Variants in PAPPA observed in about 807,000 individuals in gnomAD.
PAPPA encodes pappalysin 1.
PAPPA carries 60 observed loss-of-function variants against 164.0 expected under a neutral mutation model. The observed-to-expected ratio is 0.37, with a 90% CI of 0.30 to 0.45. The LOEUF is 0.45. PAPPA is among the 20% of genes least tolerant of loss of function. The pLI is 1.00. For synonymous variants in PAPPA, 875 were observed against 814.1 expected, an observed-to-expected ratio of 1.07 and a Z score of -1.27; for missense variants, 1,782 against 2,087.3, an observed-to-expected ratio of 0.85 and a Z score of 2.85.
intron 7 of PAPPA, among the ~76,000 whole-genome samples, chr9:116,250,847 A>G (rs529087898): frequency 9.8e-5 from 15 of 152,306 alleles, no homozygotes; most frequent in Non-Finnish European, 1.2e-4. Context: ...TTCTTCCCCT[A>G]TGTAACAGAG....
chr9:116,263,430 G>A (rs996749873), intron 7 of PAPPA, among the ~76,000 whole-genome samples: 1 of 152,156 alleles, frequency 6.6e-6, no homozygotes, highest in African/African-American at 2.4e-5. Context: ...GATGATGGCT[G>A]CATCTTCACG....
At chr9:116,164,750 C>T (rs978256657) in intron 1 of PAPPA, among the ~76,000 whole-genome samples, 2 of 152,092 alleles carry the variant, frequency 1.3e-5, no homozygotes. Flanking sequence ...GTTATTTTCC[C>T]CAGTGTGACT....
chr9:116,193,870 G>C (rs1844072690), intron 2 of PAPPA, among the ~76,000 whole-genome samples: 1 of 152,192 alleles, frequency 6.6e-6, no homozygotes, highest in South Asian at 2.1e-4. Flanking sequence ...AGGCTTCCAT[G>C]AGCTCTGAGA....
intron 1 of PAPPA, among the ~76,000 whole-genome samples, chr9:116,178,056 G>A (rs1843858173): frequency 6.6e-6 from 1 of 152,136 alleles, no homozygotes; most frequent in African/African-American, 2.4e-5. Context: ...AAAAAGGGGG[G>A]AAATAATCCC....
intron 18 of PAPPA, among the ~76,000 whole-genome samples, chr9:116,366,116 G>A (rs1846497657): frequency 6.6e-6 from 1 of 152,166 alleles, no homozygotes; most frequent in South Asian, 2.1e-4. Context: ...TTGGAGGGTG[G>A]TTTCGATACT....
rs1564235664 is a variant in PAPPA at position 116,347,302 on chromosome 9, A to G, written c.3964+93A>G. 2 of 1,113,752 alleles carry G rather than the reference A, an allele frequency of 1.8e-6. No homozygotes were observed. The highest frequency in any genetic ancestry group is 3.1e-5 in the African/African-American group (2 of 63,808). 69.0% of individuals were successfully genotyped at this position (1,113,752 alleles called of 1,614,324 possible). A position where few individuals can be genotyped will look rare whatever the true frequency, so the allele number is the denominator to read the frequency against. On this transcript the variant is annotated intron_variant, in intron 15 of 21. Transcript: ENST00000328252. This position sits in a 1 kb window ranked among gnomAD's most constrained non-coding sequence, Gnocchi z 4.5. ...CCCTCTTTCTGGGTCTCAAACACCA[A>G]GGGTGGGATGGGTTTTATCTATGCT...
intron 7 of PAPPA, among the ~76,000 whole-genome samples, chr9:116,245,317 AG>A (rs1269797372): frequency 6.6e-6 from 1 of 152,210 alleles, no homozygotes; most frequent in Non-Finnish European, 1.5e-5. Context: ...AAATAAAAAA[AG>A]AAGGGGCCAG....
chr9:116,379,619 G>C (rs1846701256), intron 20 of PAPPA, among the ~76,000 whole-genome samples: 1 of 152,024 alleles, frequency 6.6e-6, no homozygotes, highest in Admixed American at 6.6e-5. Context: ...ATCTATATTT[G>C]ATAAAGTTTT....
At chr9:116,294,812 G>T (rs1845481429) in intron 9 of PAPPA, among the ~76,000 whole-genome samples, 1 of 152,140 alleles carries the variant, frequency 6.6e-6, no homozygotes. Flanking sequence ...GGCCTTTAAA[G>T]ATCTTTTTGA....
At chr9:116,318,035 C>A (rs901312927) in intron 10 of PAPPA, among the ~76,000 whole-genome samples, 1 of 152,184 alleles carries the variant, frequency 6.6e-6, no homozygotes, top group Non-Finnish European at 1.5e-5. Context: ...ATCCTTCACG[C>A]CTCCGCTGTT....
At chr9:116,325,879 G>A (rs916811876) in intron 10 of PAPPA, among the ~76,000 whole-genome samples, 3 of 152,112 alleles carry the variant, frequency 2.0e-5, no homozygotes, top group Non-Finnish European at 4.4e-5. Flanking sequence ...TTTCATAAAC[G>A]TGTTGCTCCT....
chr9:116,320,366 G>C (rs1233936380), intron 10 of PAPPA, among the ~76,000 whole-genome samples: 1 of 152,174 alleles, frequency 6.6e-6, no homozygotes, highest in Admixed American at 6.5e-5. Context: ...GAGCCCCAAG[G>C]CTGGAGGGCA....
rs181950334 is a variant in PAPPA, at chr9:116,277,642, T to A, written c.2953+6226T>A. On this transcript the variant is annotated intron_variant, in intron 9 of 21. Coordinates refer to ENST00000328252, the MANE Select transcript of PAPPA (RefSeq NM_002581.5). The stretch of plus-strand genomic sequence containing the variant: ...GTGTTATAGATGTGTTTGCTACTGA[T>A]GCTATTATTGTCATAATTAATATTT... 2.6e-5 allele frequency among the ~76,000 whole-genome samples: 4 copies of A among 152,350 alleles called. No homozygotes were observed. The East Asian group carries it at 7.7e-4, about 29-fold the overall frequency.
intron 6 of PAPPA, among the ~76,000 whole-genome samples, chr9:116,228,352 T>G (rs1844542049): frequency 6.6e-6 from 1 of 152,128 alleles, no homozygotes; most frequent in Non-Finnish European, 1.5e-5. Context: ...CAGTCCCTCT[T>G]GCTCTTCTGC....
At position 116,314,060 on chromosome 9, in the gene PAPPA, C is replaced by CTTTTTTTTTTTTTTTTTTTTTTT. The variant is rs57871796; in HGVS notation, c.3147+11118_3147+11140dup. Among the ~76,000 whole-genome samples, 8 of 69,728 alleles carry CTTTTTTTTTTTTTTTTTTTTTTT rather than the reference C, an allele frequency of 1.1e-4. 1 individual carries two copies. The highest frequency in any genetic ancestry group is 4.6e-4 in the East Asian group (1 of 2,164). The allele number at this position is 69,728 out of a possible 152,430, so 45.7% of individuals were successfully genotyped here. On this transcript the variant is annotated intron_variant, in intron 10 of 21. Transcript: ENST00000328252. Reference sequence around the variant, plus strand: ...ATTCAGTTCTGTCATTGCATCGAATCTTTTTTTTTTTTTTTTTTTTTTTTT... The same window carrying CTTTTTTTTTTTTTTTTTTTTTTT: ...ATTCAGTTCTGTCATTGCATCGAATCTTTTTTTTTTTTTTTTTTTTTTTTTTTTTTTTTTTTTTTTTTTTTTTT...
chr9:116,344,777 T>C, intron 14 of PAPPA, 66 bp downstream of exon 14: 5 of 1,421,108 alleles, frequency 3.5e-6, no homozygotes, highest in Non-Finnish European at 2.9e-6. Context: ...GTGTTAACCA[T>C]GTTCTCTGCT....
chr9:116,357,777 A>G (rs1588018936), intron 17 of PAPPA, among the ~76,000 whole-genome samples: 1 of 152,028 alleles, frequency 6.6e-6, no homozygotes, highest in Non-Finnish European at 1.5e-5. Context: ...TGGGATGGGG[A>G]CGGGGTCTTT....
chr9:116,248,693 G>A (rs1844825572), intron 7 of PAPPA, among the ~76,000 whole-genome samples: 1 of 152,130 alleles, frequency 6.6e-6, no homozygotes, highest in African/African-American at 2.4e-5. Context: ...ATTAGAGGTG[G>A]GGGCTGTGTA....
rs546408083 is a variant in PAPPA, at chr9:116,359,909, T to A, written c.4348-2683T>A. Among the ~76,000 whole-genome samples, 3 of 152,210 alleles carry A rather than the reference T, an allele frequency of 2.0e-5. No homozygotes were observed. The South Asian group carries it at 6.2e-4, about 32-fold the overall frequency. ...AGGCTAAAGTGTCTTAGCAAAAGGA[T>A]GCTATATATTTTTAAAAGCAAATTT... On this transcript the variant is annotated intron_variant, in intron 17 of 21. Coordinates refer to ENST00000328252, the MANE Select transcript of PAPPA (RefSeq NM_002581.5).
Sources: gnomAD v4.1 joint callset for allele counts (sites outside exome capture counted in the v4.1 genomes callset) on GRCh38, gnomAD v4.1.1 for gene constraint, Gnocchi (gnomAD v3.1) non-coding constraint, MANE v1.5 for transcripts, NCBI Gene and HGNC (gene_info 2026-07-23, HGNC 2026-07-21) for gene names.